CDK5RAP2: variants seen among roughly 807,000 people sequenced by gnomAD.
The protein encoded by CDK5RAP2 is CDK5 regulatory subunit-associated protein 2.
Under a neutral mutation model 232.9 loss-of-function variants are expected in CDK5RAP2, and 147 were observed. The ratio of observed to expected loss-of-function variants is 0.63; its 90% confidence interval spans 0.55 to 0.72. CDK5RAP2 has a LOEUF of 0.72. Among genes scored for constraint, CDK5RAP2 ranks in the 30% least tolerant of loss-of-function variants. CDK5RAP2 has a pLI of 0.00. For missense variants in CDK5RAP2, 2,195 were observed against 2,231.5 expected (o/e 0.98, Z 0.33); for synonymous variants, 833 against 833.7 (o/e 1.00, Z 0.01).
intron 9 of CDK5RAP2, among the ~76,000 whole-genome samples, chr9:120,528,455 G>T (rs188838300): frequency 6.6e-6 from 1 of 152,214 alleles, no homozygotes; most frequent in Non-Finnish European, 1.5e-5. Context: ...TGGCACATGG[G>T]CAGGTCCAAA....
At chr9:120,495,910 C>A (rs1219936353) in intron 12 of CDK5RAP2, among the ~76,000 whole-genome samples, 479 of 70,146 alleles carry the variant, frequency 6.8e-3, no homozygotes, top group African/African-American at 0.017. Context: ...CGGCCAGCCA[C>A]CCCGTCCGGG....
chr9:120,402,718 A>G (rs2033129196), intron 34 of CDK5RAP2, 88 bp downstream of exon 34: 1 of 1,475,070 alleles, frequency 6.8e-7, no homozygotes, highest in African/African-American at 1.4e-5. Context: ...GGTCCTAATG[A>G]GGACAACTGC....
chr9:120,573,562 A>T (rs1008219666), intron 1 of CDK5RAP2, among the ~76,000 whole-genome samples: 14 of 151,766 alleles, frequency 9.2e-5, no homozygotes, highest in South Asian at 2.1e-4. Context: ...AAAAAAAAAA[A>T]TTTAAAAAAA....
At chr9:120,431,974 C>T (rs1368129660) in intron 25 of CDK5RAP2, among the ~76,000 whole-genome samples, 1 of 152,144 alleles carries the variant, frequency 6.6e-6, no homozygotes, top group African/African-American at 2.4e-5. Flanking sequence ...TTTCCAGATC[C>T]CTAGTGGAAT....
At position 120,470,125 on chromosome 9, in the gene CDK5RAP2, C is replaced by G; in HGVS notation, c.1954G>C (p.Glu652Gln). 5.8e-6 allele frequency: 9 copies of G among 1,540,562 alleles called. No individual in the cohort carries two copies. The highest frequency in any genetic ancestry group is 4.1e-5 in the African/African-American group (3 of 73,492). The stretch of plus-strand genomic sequence containing the variant: ...TAGGTCAATACCTTTTTCTTAAGTT[C>G]TTCTTGAGAAAAATGTTCCACTTGA... ...RFQVEHFSQE[E>Q]LKKKVSDLIQ... Residue 652 changes from glutamate (E) to glutamine (Q), a missense_variant, in exon 17 of 38, where the codon GAA (glutamate) becomes CAA (glutamine). By Grantham distance (29) the Glu-to-Gln change is conservative (BLOSUM62 2). Coordinates refer to ENST00000349780, the MANE Select transcript of CDK5RAP2 (RefSeq NM_018249.6).
chr9:120,454,007 A>G (rs2131408064), intron 20 of CDK5RAP2, 134 bp from the exon 21 acceptor site: 1 of 872,802 alleles, frequency 1.1e-6, no homozygotes, highest in Non-Finnish European at 1.9e-6. Context: ...TGTACCCACA[A>G]CGTGCCAGGG....
intron 14 of CDK5RAP2, among the ~76,000 whole-genome samples, chr9:120,480,237 T>C (rs183503528): frequency 6.6e-6 from 1 of 152,282 alleles, no homozygotes. Context: ...AGCTAAGACA[T>C]ACCACCTACG....
At chr9:120,550,615 A>G (rs560289603) in intron 4 of CDK5RAP2, among the ~76,000 whole-genome samples, 177 bp downstream of exon 4, 15 of 152,318 alleles carry the variant, frequency 9.8e-5, no homozygotes, top group African/African-American at 3.1e-4. Context: ...TTAATCATGT[A>G]CCCCTTTGCT....
intron 3 of CDK5RAP2, among the ~76,000 whole-genome samples, chr9:120,557,604 T>A (rs1588649947): frequency 6.6e-6 from 1 of 151,724 alleles, no homozygotes; most frequent in South Asian, 2.1e-4. Flanking sequence ...AAAAATTTTT[T>A]AAAAATTAGC....
Position 120,439,530 on chromosome 9 carries a change from C to G in CDK5RAP2, c.3591G>C (p.Arg1197Ser). 6.2e-7 allele frequency: 1 copy of G among 1,614,200 alleles called. No homozygotes were observed. Among genetic ancestry groups the G allele is most frequent in the South Asian group, 1.1e-5 (1 of 91,084 alleles). Reference sequence around the variant, plus strand: ...GCTGCTGTTTGAGGTTCTCCAGCACCCTGCTGTCAATCATCTCTGGGGCCA... The same window carrying G: ...GCTGCTGTTTGAGGTTCTCCAGCACGCTGCTGTCAATCATCTCTGGGGCCA... The part of the protein sequence containing the change: ...GPLAPEMIDS[R>S]VLENLKQQLE... Residue 1197 changes from arginine (R) to serine (S), a missense_variant, in exon 24 of 38, where the codon AGG becomes AGC. Coordinates refer to ENST00000349780, the MANE Select transcript of CDK5RAP2 (RefSeq NM_018249.6).
At position 120,439,890 on chromosome 9, in the gene CDK5RAP2, T is replaced by G. The variant is rs777528070; in HGVS notation, c.3231A>C (p.Ser1077=). Residue 1077 remains serine (S), a synonymous_variant, in exon 24 of 38, where the codon TCA becomes TCC. Coordinates refer to ENST00000349780, the MANE Select transcript of CDK5RAP2 (RefSeq NM_018249.6). ...ENPEDVLSPT[S]VATYLSSKSQ... is the part of the protein sequence containing the mutation. Reference sequence around the variant, plus strand: ...TCTTGGAACTCAGGTAAGTAGCTACTGAAGTTGGGCTCAGAACATCTTCAG... The same window carrying G: ...TCTTGGAACTCAGGTAAGTAGCTACGGAAGTTGGGCTCAGAACATCTTCAG... 3 of 1,614,208 alleles carry G rather than the reference T, an allele frequency of 1.9e-6. No individual in the cohort carries two copies. The East Asian group carries it at 6.7e-5, about 36-fold the overall frequency.
chr9:120,556,314 ATG>A (rs2042226369), intron 3 of CDK5RAP2, among the ~76,000 whole-genome samples: 3 of 152,236 alleles, frequency 2.0e-5, no homozygotes, highest in Admixed American at 2.0e-4. Flanking sequence ...ATAGGGCAAA[ATG>A]TGAAAAGCTA....
At chr9:120,432,519 A>G (rs1002269306) in intron 25 of CDK5RAP2, among the ~76,000 whole-genome samples, 11 of 152,188 alleles carry the variant, frequency 7.2e-5, no homozygotes, top group Non-Finnish European at 1.5e-4. Flanking sequence ...TTGTTTCATA[A>G]TTCAAGAGCC....
chr9:120,425,364 A>G (rs1301678783), intron 25 of CDK5RAP2, among the ~76,000 whole-genome samples: 1 of 152,220 alleles, frequency 6.6e-6, no homozygotes, highest in Non-Finnish European at 1.5e-5. Context: ...CTGCCCTCAC[A>G]CAGGTAACAG....
intron 29 of CDK5RAP2, among the ~76,000 whole-genome samples, chr9:120,410,449 G>A (rs189498102): frequency 6.6e-6 from 1 of 152,300 alleles, no homozygotes; most frequent in East Asian, 1.9e-4. Context: ...TCCTGAGTCA[G>A]GATGCCTTCT....
chr9:120,492,483 A>C (rs756883687), intron 12 of CDK5RAP2, among the ~76,000 whole-genome samples: 14 of 152,236 alleles, frequency 9.2e-5, no homozygotes, highest in Non-Finnish European at 2.1e-4. Context: ...AACTCATTTT[A>C]CAGATGTGAC....
At chr9:120,523,056 G>A (rs1164106117) in intron 11 of CDK5RAP2, among the ~76,000 whole-genome samples, 1 of 152,180 alleles carries the variant, frequency 6.6e-6, no homozygotes, top group Non-Finnish European at 1.5e-5. Flanking sequence ...CTCGGGCAAG[G>A]ATTAAATGAG....
chr9:120,422,572 C>A, intron 26 of CDK5RAP2, 121 bp downstream of exon 26: 1 of 775,602 alleles, frequency 1.3e-6, no homozygotes, highest in Admixed American at 1.9e-5. Flanking sequence ...ATGTTTATAC[C>A]TTATTTACAA....
At chr9:120,407,460 T>A in intron 31 of CDK5RAP2, 1 of 589,340 alleles carries the variant, frequency 1.7e-6, no homozygotes, top group Admixed American at 2.9e-5. Context: ...GAGCTGGAAA[T>A]TAATTTTCGC....
Sources: allele counts gnomAD v4.1 joint callset (sites outside exome capture counted in the v4.1 genomes callset), GRCh38; gene constraint gnomAD v4.1.1; transcripts MANE v1.5; gene names NCBI Gene and HGNC (gene_info 2026-07-23, HGNC 2026-07-21).